The following TFDP1 variants were observed in gnomAD, a reference collection of about 807,000 sequenced individuals.
TFDP1 encodes the protein DRTF1-polypeptide 1.
A neutral mutation model predicts 48.0 loss-of-function variants in TFDP1; 6 were observed. The ratio of observed to expected loss-of-function variants is 0.13; its 90% confidence interval spans 0.07 to 0.25. The LOEUF (loss-of-function observed/expected upper bound fraction) is 0.25, where lower values mean the gene tolerates loss of function less well. TFDP1 is among the 10% of genes least tolerant of loss of function. The probability of loss-of-function intolerance (pLI) is 1.00; values close to 1 mark genes in which losing one functional copy is unlikely to be tolerated. For missense variants in TFDP1, 335 were observed against 543.0 expected, an observed-to-expected ratio of 0.62 and a Z score of 3.81; for synonymous variants, 201 against 211.6, an observed-to-expected ratio of 0.95 and a Z score of 0.44.
intron 4 of TFDP1, among the ~76,000 whole-genome samples, chr13:113,626,708 A>G (rs1454714776): frequency 6.6e-6 from 1 of 152,192 alleles, no homozygotes; most frequent in African/African-American, 2.4e-5. Flanking sequence ...CGGCTTTTCA[A>G]CCACGTTGCA....
chr13:113,599,103 G>A (rs1277198353), intron 2 of TFDP1, among the ~76,000 whole-genome samples: 4 of 152,050 alleles, frequency 2.6e-5, no homozygotes, highest in Admixed American at 2.0e-4. Flanking sequence ...GTACAGTACG[G>A]AATTCTAAAT....
At chr13:113,617,852 G>A (rs2048901535) in intron 3 of TFDP1, among the ~76,000 whole-genome samples, 1 of 152,180 alleles carries the variant, frequency 6.6e-6, no homozygotes, top group Admixed American at 6.5e-5. Context: ...TTTATCTTAA[G>A]CCCTATAGAT....
chr13:113,605,016 T>C (rs930254051), intron 2 of TFDP1, among the ~76,000 whole-genome samples: 1 of 152,218 alleles, frequency 6.6e-6, no homozygotes, highest in Non-Finnish European at 1.5e-5. Flanking sequence ...GAGCTTCCTC[T>C]TGGCTGTGTG....
At chr13:113,602,995 T>C (rs2048478594) in intron 2 of TFDP1, among the ~76,000 whole-genome samples, 1 of 144,862 alleles carries the variant, frequency 6.9e-6, no homozygotes, top group Admixed American at 7.0e-5. Context: ...AACGTATAAT[T>C]TACAAATTTG....
intron 2 of TFDP1, among the ~76,000 whole-genome samples, chr13:113,597,533 G>T (rs2140313247): frequency 6.6e-6 from 1 of 152,368 alleles, no homozygotes; most frequent in East Asian, 1.9e-4. Flanking sequence ...GCGACCTCAG[G>T]TGGGGACTCC....
intron 1 of TFDP1, 107 bp from the exon 2 acceptor site, chr13:113,585,667 T>G: frequency 1.6e-6 from 1 of 642,892 alleles, no homozygotes; most frequent in Non-Finnish European, 2.6e-6. Flanking sequence ...AGGGTGCCTT[T>G]GGGAAGGAAG....
chr13:113,607,841 C>T lies in TFDP1; in HGVS notation c.13-3155C>T, dbSNP rs747242301. On this transcript the variant is annotated intron_variant, in intron 2 of 11. Transcript: ENST00000375370. This position sits in a 1 kb window ranked among gnomAD's most constrained non-coding sequence, Gnocchi z 5.2. Reference sequence around the variant, plus strand: ...GGGATTGCTGAGTTCCCATCCCAGCCGGAGCTGACCACCAAGTCGACGGGG... The same window carrying T: ...GGGATTGCTGAGTTCCCATCCCAGCTGGAGCTGACCACCAAGTCGACGGGG... Among the ~76,000 whole-genome samples, 2 of 152,188 alleles carry T rather than the reference C, an allele frequency of 1.3e-5. No individual in the cohort carries two copies. The highest frequency in any genetic ancestry group is 2.4e-5 in the African/African-American group (1 of 41,444).
In TFDP1 at chr13:113,640,888, C is replaced by A. The variant is rs1434092782; in HGVS notation, c.*621C>A. 2 of 152,742 alleles carry A rather than the reference C, an allele frequency of 1.3e-5. No homozygotes were observed. Among genetic ancestry groups the A allele is most frequent in the African/African-American group, 4.8e-5 (2 of 41,400 alleles). 9.5% of individuals were successfully genotyped at this position (152,742 alleles called of 1,614,324 possible). A position where few individuals can be genotyped will look rare whatever the true frequency, so the allele number is the denominator to read the frequency against. On this transcript the variant is annotated 3_prime_UTR_variant, in exon 12 of 12. Coordinates refer to ENST00000375370, the MANE Select transcript of TFDP1 (RefSeq NM_007111.5). ...TCAAGTTTGTACACTCTTTTCTCTC[C>A]CTGTTTTGCAGCAACAAATTGCGAA...
At chr13:113,601,701 G>A (rs2048431530) in intron 2 of TFDP1, among the ~76,000 whole-genome samples, 1 of 152,250 alleles carries the variant, frequency 6.6e-6, no homozygotes, top group Non-Finnish European at 1.5e-5. Flanking sequence ...CAGAGGAAGG[G>A]CCTGTGGCCA....
At chr13:113,625,959 C>T (rs1281690266) in intron 4 of TFDP1, among the ~76,000 whole-genome samples, 4 of 143,230 alleles carry the variant, frequency 2.8e-5, no homozygotes, top group African/African-American at 8.0e-5. Flanking sequence ...CTCACGTGTC[C>T]TCAGGCGTCT....
chr13:113,608,493 C>T (rs1009067560), intron 2 of TFDP1, among the ~76,000 whole-genome samples: 2 of 152,238 alleles, frequency 1.3e-5, no homozygotes, highest in African/African-American at 2.4e-5. Flanking sequence ...AGCAGGGCTT[C>T]CTCCAGCTCC....
At position 113,616,645 on chromosome 13, in the gene TFDP1, A is replaced by G. The variant is rs573181982; in HGVS notation, c.79+5583A>G. ...CTTCAATCTCATATCTGTCGGCTTT[A>G]GGGTTCTAAGTGGAGGAGGAAATTT... On this transcript the variant is annotated intron_variant, in intron 3 of 11. Coordinates refer to ENST00000375370, the MANE Select transcript of TFDP1 (RefSeq NM_007111.5). Among the ~76,000 whole-genome samples, 17 of 152,182 alleles carry G rather than the reference A, an allele frequency of 1.1e-4. No individual in the cohort carries two copies. In the East Asian group the frequency reaches 2.7e-3, roughly 24 times the overall value.
chr13:113,591,607 C>A (rs115881629), intron 2 of TFDP1, among the ~76,000 whole-genome samples: 1 of 152,150 alleles, frequency 6.6e-6, no homozygotes, highest in African/African-American at 2.4e-5. Context: ...ACTTTTCACT[C>A]TTGGTATTTA....
chr13:113,614,188 T>C (rs1304475619), intron 3 of TFDP1, among the ~76,000 whole-genome samples: 1 of 151,692 alleles, frequency 6.6e-6, no homozygotes, highest in Admixed American at 6.6e-5. Context: ...GAATGAGTTG[T>C]ATGTGTGTGT....
rs925890192 is a variant in TFDP1, at chr13:113,602,990, A to T, written c.13-8006A>T. ...TGAGCTAAAAAAAAAAAAAAAACGT[A>T]TAATTTACAAATTTGTGTTGGGCTG... On this transcript the variant is annotated intron_variant, in intron 2 of 11. Coordinates refer to ENST00000375370, the MANE Select transcript of TFDP1 (RefSeq NM_007111.5). 5.9e-5 allele frequency among the ~76,000 whole-genome samples: 8 copies of T among 135,506 alleles called. 1 individual carries two copies. In the South Asian group the frequency reaches 1.9e-3, roughly 32 times the overall value. 88.9% of individuals were successfully genotyped at this position (135,506 alleles called of 152,430 possible).
chr13:113,592,380 C>G (rs961863426), intron 2 of TFDP1, among the ~76,000 whole-genome samples: 2 of 152,240 alleles, frequency 1.3e-5, no homozygotes, highest in Non-Finnish European at 2.9e-5. Flanking sequence ...TGGTCTTGAA[C>G]TCCCGACCTC....
At chr13:113,635,952 AC>A in intron 8 of TFDP1, 24 bp from the exon 9 acceptor site, 1 of 1,609,186 alleles carries the variant, frequency 6.2e-7, no homozygotes, top group Non-Finnish European at 8.5e-7. Flanking sequence ...GCCACGGGCC[AC>A]CTGGCTCCTC....
chr13:113,596,435 C>T (rs939097502), intron 2 of TFDP1, among the ~76,000 whole-genome samples: 19 of 152,192 alleles, frequency 1.2e-4, no homozygotes, highest in African/African-American at 3.6e-4. Context: ...ATGTCTGCCT[C>T]GGTGTCATCC....
intron 2 of TFDP1, among the ~76,000 whole-genome samples, chr13:113,593,066 A>G (rs1421215800): frequency 6.8e-6 from 1 of 147,790 alleles, no homozygotes; most frequent in Non-Finnish European, 1.5e-5. Flanking sequence ...CCCAGGTGAC[A>G]GGTGTGGTGT....
Sources: allele counts gnomAD v4.1 joint callset (sites outside exome capture counted in the v4.1 genomes callset), GRCh38; gene constraint gnomAD v4.1.1; non-coding constraint Gnocchi (gnomAD v3.1); transcripts MANE v1.5; gene names NCBI Gene and HGNC (gene_info 2026-07-23, HGNC 2026-07-21).